The following CD300LF variants were observed in gnomAD, a reference collection of about 807,000 sequenced individuals.
CD300LF encodes the protein CD300 molecule like family member f.
CD300LF carries 27 observed loss-of-function variants against 32.2 expected under a neutral mutation model. The ratio of observed to expected loss-of-function variants is 0.84; its 90% CI spans 0.62 to 1.15. CD300LF has a LOEUF of 1.15. Ranked by LOEUF, CD300LF falls within the 50% of genes most tolerant of loss-of-function variation. The pLI, the probability that CD300LF is intolerant of heterozygous loss-of-function variation, is 0.00. For synonymous variants in CD300LF, 139 were observed against 143.2 expected (o/e 0.97, Z 0.21); for missense variants, 348 against 356.8 (o/e 0.98, Z 0.20).
chr17:74,708,949 G>C (rs569535411), intron 1 of CD300LF, among the ~76,000 whole-genome samples: 1 of 149,716 alleles, frequency 6.7e-6, no homozygotes, highest in South Asian at 2.1e-4. Context: ...AGGAGGCCAG[G>C]CACGGTGGTT....
In CD300LF at chr17:74,704,493, C is replaced by G; in HGVS notation, c.367G>C (p.Val123Leu). 6.2e-7 allele frequency: 1 copy of G among 1,612,964 alleles called. No homozygotes were observed. The highest frequency in any genetic ancestry group is 8.5e-7 in the Non-Finnish European group (1 of 1,179,272). Residue 123 changes from valine (V) to leucine (L), a missense_variant, in exon 2 of 7, where the codon GTG becomes CTG. Transcript: ENST00000326165. ...TCCCTCTTACCTGGGTCAATGGTCA[C>G]TTGAACTGTGACCCCAAGGTCATTT... ...TGNDLGVTVQ[V>L]TIDPAPVTQE...
At chr17:74,698,514 A>ACC in intron 3 of CD300LF, 33 bp from the exon 4 acceptor site, 2 of 1,588,632 alleles carry the variant, frequency 1.3e-6, no homozygotes, top group Non-Finnish European at 1.7e-6. Flanking sequence ...CCTGCATCCC[A>ACC]GGCTCACCAC....
chr17:74,696,057 G>A, intron 5 of CD300LF, 138 bp downstream of exon 5: 1 of 1,286,488 alleles, frequency 7.8e-7, no homozygotes, highest in Non-Finnish European at 1.1e-6. Flanking sequence ...TCAGCCCCCA[G>A]GCCCTGCAGG....
intron 1 of CD300LF, among the ~76,000 whole-genome samples, chr17:74,706,289 A>T (rs997859558): frequency 6.7e-6 from 1 of 150,028 alleles, no homozygotes; most frequent in African/African-American, 2.4e-5. Context: ...AAAAATATAT[A>T]TATATATATA....
chr17:74,704,298 C>T (rs2033325472), intron 2 of CD300LF, 180 bp downstream of exon 2: 1 of 599,048 alleles, frequency 1.7e-6, no homozygotes, highest in South Asian at 2.1e-5. Flanking sequence ...GCCCTGGGAG[C>T]CATGGGGGCA....
At chr17:74,710,489 T>TTACATTA (rs2033866928) in intron 1 of CD300LF, among the ~76,000 whole-genome samples, 1 of 152,160 alleles carries the variant, frequency 6.6e-6, no homozygotes, top group Non-Finnish European at 1.5e-5. Flanking sequence ...AGAAAAGTGC[T>TTACATTA]CATTTACATT....
At chr17:74,710,079 C>T (rs894516331) in intron 1 of CD300LF, among the ~76,000 whole-genome samples, 1 of 152,072 alleles carries the variant, frequency 6.6e-6, no homozygotes, top group Non-Finnish European at 1.5e-5. Context: ...CCCGGGTTCA[C>T]GCCATTCTCC....
chr17:74,706,487 G>C (rs2033528954), intron 1 of CD300LF, among the ~76,000 whole-genome samples: 2 of 151,690 alleles, frequency 1.3e-5, no homozygotes, highest in Admixed American at 6.6e-5. Flanking sequence ...GACCAACATG[G>C]AGAAACGCCA....
In CD300LF at chr17:74,705,764, T is replaced by C. The variant is rs117229624; in HGVS notation, c.44-948A>G. On this transcript the variant is annotated intron_variant, in intron 1 of 6. Coordinates refer to ENST00000326165, the MANE Select transcript of CD300LF (RefSeq NM_139018.5). ...CACATGCCTCCACGCCTGGCTAATTTTTGTAGTTTTAGTAGAAACAGGATT... is the reference window on the plus strand; with the variant it reads ...CACATGCCTCCACGCCTGGCTAATTCTTGTAGTTTTAGTAGAAACAGGATT... Among the ~76,000 whole-genome samples, 455 of 152,170 alleles carry C rather than the reference T, an allele frequency of 3.0e-3. 8 individuals are homozygous for C. The highest frequency in any genetic ancestry group is 0.026 in the East Asian group (133 of 5,170).
chr17:74,695,863 G>A lies in CD300LF; in HGVS notation c.583-4C>T, dbSNP rs368465105. 7 of 1,612,500 alleles carry A rather than the reference G, an allele frequency of 4.3e-6. No homozygotes were observed. In the African/African-American group the frequency reaches 8.0e-5, roughly 18 times the overall value. ...CGCCCTCCAGGGGCTGCAGTACCTGGGACAGGGAACACAGGCTGGGGAGTC... is the reference window on the plus strand; with the variant it reads ...CGCCCTCCAGGGGCTGCAGTACCTGAGACAGGGAACACAGGCTGGGGAGTC... On this transcript the variant is annotated splice_polypyrimidine_tract_variant and splice_region_variant and intron_variant, in intron 5 of 6. Transcript: ENST00000326165.
chr17:74,695,030 G>A lies in CD300LF; in HGVS notation c.*66C>T, dbSNP rs201658461. 10 of 1,526,706 alleles carry A rather than the reference G, an allele frequency of 6.6e-6. No homozygotes were observed. The highest frequency in any genetic ancestry group is 1.4e-5 in the African/African-American group (1 of 72,502). 94.6% of individuals were successfully genotyped at this position (1,526,706 alleles called of 1,614,324 possible). Reference sequence around the variant, plus strand: ...TTGGTCCTGATGAGGGGAGCAGGGGGCAGACGGTCGATGAGGCAGGAGTGT... The same window carrying A: ...TTGGTCCTGATGAGGGGAGCAGGGGACAGACGGTCGATGAGGCAGGAGTGT... On this transcript the variant is annotated 3_prime_UTR_variant, in exon 7 of 7. Transcript: ENST00000326165.
chr17:74,704,615 A>T lies in CD300LF; in HGVS notation c.245T>A (p.Ile82Asn). The change falls in exon 2 of 7, where the codon ATC (isoleucine) becomes AAC (asparagine). Residue 82 changes from isoleucine to asparagine, a missense_variant. Coordinates refer to ENST00000326165, the MANE Select transcript of CD300LF (RefSeq NM_139018.5). ...CGTGCGGTTTTTCTGATTGTCCTTG[A>T]TGGACACCCGGTCCCTCTTCACCTC... ...EQEVKRDRVS[I>N]KDNQKNRTFT... is the part of the protein sequence containing the mutation. 1.2e-6 allele frequency: 2 copies of T among 1,614,140 alleles called. No homozygotes were observed. Among genetic ancestry groups the T allele is most frequent in the South Asian group, 1.1e-5 (1 of 91,082 alleles).
intron 1 of CD300LF, among the ~76,000 whole-genome samples, chr17:74,705,570 C>CT (rs956866675): frequency 2.7e-4 from 41 of 150,228 alleles, no homozygotes; most frequent in Non-Finnish European, 4.5e-4. Context: ...GCAGTATTTA[C>CT]TTTTTTTTTT....
chr17:74,710,629 C>T (rs943432986), intron 1 of CD300LF, among the ~76,000 whole-genome samples: 10 of 150,922 alleles, frequency 6.6e-5, no homozygotes, highest in Admixed American at 2.0e-4. Flanking sequence ...GAGGCCAAGG[C>T]GGGTGGATCA....
intron 4 of CD300LF, among the ~76,000 whole-genome samples, chr17:74,697,239 C>G (rs1598209450): frequency 6.6e-6 from 1 of 152,256 alleles, no homozygotes; most frequent in East Asian, 1.9e-4. Context: ...CCACGACACC[C>G]AGAGATTGGA....
rs369611278 is a variant in CD300LF at position 74,704,566 on chromosome 17, G to A, written c.294C>T (p.Leu98=). The part of the protein sequence containing the change: ...NRTFTVTMED[L]MKTDADTYWC... ...AGTAAGTGTCAGCATCAGTTTTCAT[G>A]AGATCCTCCATGGTCACAGTGAACG... The change falls in exon 2 of 7, where the codon CTC becomes CTT. Residue 98 remains leucine (L), a synonymous_variant. Transcript: ENST00000326165. 89 of 1,614,052 alleles carry A rather than the reference G, an allele frequency of 5.5e-5. No individual in the cohort carries two copies. Among genetic ancestry groups the A allele is most frequent in the Non-Finnish European group, 6.7e-5 (79 of 1,180,026 alleles).
intron 3 of CD300LF, among the ~76,000 whole-genome samples, chr17:74,700,124 A>G (rs989697798): frequency 6.6e-6 from 1 of 151,696 alleles, no homozygotes; most frequent in Admixed American, 6.6e-5. Context: ...CCTGGTCGAC[A>G]GAGCAAGACC....
At chr17:74,711,143 G>A (rs975116020) in intron 1 of CD300LF, among the ~76,000 whole-genome samples, 2 of 152,188 alleles carry the variant, frequency 1.3e-5, no homozygotes, top group Non-Finnish European at 2.9e-5. Context: ...GAGGGAAACA[G>A]GGTAAGCACA....
chr17:74,702,561 A>C (rs1159597066), intron 3 of CD300LF, among the ~76,000 whole-genome samples: 1 of 152,092 alleles, frequency 6.6e-6, no homozygotes, highest in East Asian at 1.9e-4. Context: ...TCAGAGGAAA[A>C]TTAAGGGAAA....
Sources: gnomAD v4.1 joint callset for allele counts (sites outside exome capture counted in the v4.1 genomes callset) on GRCh38, gnomAD v4.1.1 for gene constraint, MANE v1.5 for transcripts, NCBI Gene and HGNC (gene_info 2026-07-23, HGNC 2026-07-21) for gene names.